METTL8: variants seen among roughly 807,000 people sequenced by gnomAD.
METTL8 encodes methyltransferase 8, tRNA N3-cytidine.
Under a neutral mutation model 48.7 loss-of-function variants are expected in METTL8, and 32 were observed. That is an observed-to-expected ratio of 0.66 (90% CI 0.50 to 0.88). The LOEUF (loss-of-function observed/expected upper bound fraction) is 0.88, where lower values mean the gene tolerates loss of function less well. Ranked by LOEUF, METTL8 falls within the 40% of genes least tolerant of loss-of-function variation. METTL8 has a pLI of 0.00. For synonymous variants in METTL8, 136 were observed against 157.1 expected (o/e 0.87, Z 1.01); for missense variants, 464 against 474.4 (o/e 0.98, Z 0.20).
rs35200087 is a variant in METTL8, at chr2:171,323,226, CTTTTTTTTTTTTT to C, written c.*933_*945del. The C allele has an allele frequency of 2.9e-5, 2 of 69,388 alleles. No homozygotes were observed. The highest frequency in any genetic ancestry group is 2.2e-4 in the Admixed American group (1 of 4,580). The allele number at this position is 69,388 out of a possible 1,614,324, so 4.3% of individuals were successfully genotyped here. A position where few individuals can be genotyped will look rare whatever the true frequency, so the allele number is the denominator to read the frequency against. Reference sequence around the variant, plus strand: ...TACAAGAGCTTGTCAGCTTACATACCTTTTTTTTTTTTTTTTTTTTTTTTGGAGACAAGGTCTC... The same window carrying C: ...TACAAGAGCTTGTCAGCTTACATACCTTTTTTTTTTTGGAGACAAGGTCTC... On this transcript the variant is annotated 3_prime_UTR_variant, in exon 10 of 10. Transcript: ENST00000375258.
intron 3 of METTL8, among the ~76,000 whole-genome samples, chr2:171,350,571 T>A (rs918225433): frequency 2.0e-5 from 3 of 152,180 alleles, no homozygotes; most frequent in Non-Finnish European, 4.4e-5. Context: ...TAGTTTACAG[T>A]CCCACCGACA....
rs1372191696 is a variant in METTL8 at position 171,378,439 on chromosome 2, C to A, written c.143+13604G>T. 2.0e-5 allele frequency among the ~76,000 whole-genome samples: 3 copies of A among 152,118 alleles called. No homozygotes were observed. The East Asian group carries it at 5.8e-4, about 29-fold the overall frequency. On this transcript the variant is annotated intron_variant, in intron 2 of 9. Transcript: ENST00000375258. Reference sequence around the variant, plus strand: ...ATGAGGTCAGGAGTCCAAGACCAGCCTGGCCAACATAGTGAAACCCCATCT... The same window carrying A: ...ATGAGGTCAGGAGTCCAAGACCAGCATGGCCAACATAGTGAAACCCCATCT...
In METTL8 at chr2:171,372,560, C is replaced by T. The variant is rs377635081; in HGVS notation, c.144-12047G>A. 1.7e-3 allele frequency among the ~76,000 whole-genome samples: 259 copies of T among 151,864 alleles called. 3 individuals are homozygous for T. The East Asian group carries it at 0.02, about 12-fold the overall frequency. On this transcript the variant is annotated intron_variant, in intron 2 of 9. Transcript: ENST00000375258. Reference sequence around the variant, plus strand: ...TAGGTTTGTTACATATGTATACATGCGCCATGTTGGTGTGCTGCACCCATT... The same window carrying T: ...TAGGTTTGTTACATATGTATACATGTGCCATGTTGGTGTGCTGCACCCATT...
chr2:171,362,218 T>C (rs922133148), intron 2 of METTL8, among the ~76,000 whole-genome samples: 16 of 152,124 alleles, frequency 1.1e-4, no homozygotes, highest in Admixed American at 2.0e-4. Flanking sequence ...AATTAGACTG[T>C]TGGAGTGGTC....
At chr2:171,421,996 G>T (rs751999572) in intron 1 of METTL8, among the ~76,000 whole-genome samples, 45 of 152,180 alleles carry the variant, frequency 3.0e-4, no homozygotes, top group Non-Finnish European at 5.9e-5. Context: ...ATTTTAAAAG[G>T]TATATGAAAG....
intron 7 of METTL8, among the ~76,000 whole-genome samples, chr2:171,329,417 C>A (rs114093044): frequency 6.6e-6 from 1 of 152,200 alleles, no homozygotes; most frequent in Non-Finnish European, 1.5e-5. Flanking sequence ...AATGGGGAAT[C>A]TTGTTCTCTA....
intron 1 of METTL8, among the ~76,000 whole-genome samples, chr2:171,394,972 A>C (rs1688921143): frequency 6.6e-6 from 1 of 152,212 alleles, no homozygotes; most frequent in South Asian, 2.1e-4. Context: ...TACGATGATT[A>C]ACAAATATGT....
chr2:171,362,607 A>AT (rs1395242073), intron 2 of METTL8, among the ~76,000 whole-genome samples: 1 of 142,582 alleles, frequency 7.0e-6, no homozygotes, highest in Non-Finnish European at 1.5e-5. Context: ...ATAAATCAAA[A>AT]TTGGTATGCT....
rs1036112424 is a variant in METTL8 at position 171,316,370 on chromosome 2, G to T, written c.*7802C>A. Among the ~76,000 whole-genome samples the T allele has an allele frequency of 1.3e-5, 2 of 152,184 alleles. No individual in the cohort carries two copies. The highest frequency in any genetic ancestry group is 2.9e-5 in the Non-Finnish European group (2 of 68,030). On this transcript the variant is annotated 3_prime_UTR_variant, in exon 10 of 10. Transcript: ENST00000375258. ...CTGAATGGGGAAGCCTGGATCCATG[G>T]TTTTTTCCTAAAGTAAACAAAAGAT...
At chr2:171,358,324 C>G (rs888454305) in intron 3 of METTL8, among the ~76,000 whole-genome samples, 3 of 149,810 alleles carry the variant, frequency 2.0e-5, no homozygotes, top group African/African-American at 4.9e-5. Context: ...GCACTCCAGC[C>G]TGGGCAACAG....
chr2:171,365,438 C>T lies in METTL8; in HGVS notation c.144-4925G>A, dbSNP rs139076302. The stretch of plus-strand genomic sequence containing the variant: ...CTACCCCTCCCATTTGCCCTAAGAA[C>T]GAAGAGCTTGTAAACCAATAAATTG... On this transcript the variant is annotated intron_variant, in intron 2 of 9. Transcript: ENST00000375258. Among the ~76,000 whole-genome samples the T allele has an allele frequency of 1.5e-3, 227 of 152,262 alleles. 4 individuals carry two copies. Among genetic ancestry groups the T allele is most frequent in the East Asian group, 0.015 (76 of 5,188 alleles).
At chr2:171,340,009 C>T (rs183071132) in intron 3 of METTL8, among the ~76,000 whole-genome samples, 47 of 151,670 alleles carry the variant, frequency 3.1e-4, no homozygotes, top group Middle Eastern at 6.8e-3. Flanking sequence ...CCAGCCTGGC[C>T]AACATAGTGA....
chr2:171,400,651 T>C (rs1001824585), intron 1 of METTL8, among the ~76,000 whole-genome samples: 1 of 152,184 alleles, frequency 6.6e-6, no homozygotes, highest in Admixed American at 6.5e-5. Context: ...CAAAAGGCTC[T>C]TGCATCACCT....
intron 1 of METTL8, among the ~76,000 whole-genome samples, chr2:171,399,297 G>A (rs955482343): frequency 6.6e-6 from 1 of 152,232 alleles, no homozygotes; most frequent in Admixed American, 6.5e-5. Context: ...ATTAAAAATT[G>A]CATTTATTAT....
chr2:171,346,003 T>C (rs1472432505), intron 3 of METTL8, among the ~76,000 whole-genome samples: 2 of 152,174 alleles, frequency 1.3e-5, no homozygotes, highest in African/African-American at 4.8e-5. Flanking sequence ...TTGAAAGAAA[T>C]GAGGGCCTGG....
chr2:171,430,399 T>C (rs561293837), intron 1 of METTL8, among the ~76,000 whole-genome samples: 2 of 150,988 alleles, frequency 1.3e-5, no homozygotes, highest in Non-Finnish European at 3.0e-5. Flanking sequence ...GTCTAGGGGC[T>C]AGGGGAGGGA....
At chr2:171,424,239 G>A (rs1208292600) in intron 1 of METTL8, among the ~76,000 whole-genome samples, 1 of 152,218 alleles carries the variant, frequency 6.6e-6, no homozygotes, top group African/African-American at 2.4e-5. Context: ...AGCCCTCATG[G>A]AGAACCTCTG....
intron 2 of METTL8, among the ~76,000 whole-genome samples, chr2:171,385,308 G>A (rs1687939944): frequency 6.6e-6 from 1 of 150,840 alleles, no homozygotes; most frequent in Non-Finnish European, 1.5e-5. Context: ...TTGTACTTCA[G>A]CCTGGGTGAC....
chr2:171,390,923 G>GT (rs1688524807), intron 2 of METTL8, among the ~76,000 whole-genome samples: 2 of 152,300 alleles, frequency 1.3e-5, no homozygotes, highest in East Asian at 3.9e-4. Context: ...CATACACTTA[G>GT]TTGATAAAAC....
Sources: allele counts gnomAD v4.1 joint callset (sites outside exome capture counted in the v4.1 genomes callset), GRCh38; gene constraint gnomAD v4.1.1; transcripts MANE v1.5; gene names NCBI Gene and HGNC (gene_info 2026-07-23, HGNC 2026-07-21).